Variants in SPEF2 observed in about 807,000 individuals in gnomAD.
The protein encoded by SPEF2 is sperm flagella and cilia-associated protein 2.
A neutral mutation model predicts 224.6 loss-of-function variants in SPEF2; 187 were observed. The observed-to-expected ratio is 0.83, with a 90% confidence interval of 0.74 to 0.94. SPEF2 has a LOEUF of 0.94. Ranked by LOEUF, SPEF2 falls within the 40% of genes least tolerant of loss-of-function variation. The probability of loss-of-function intolerance (pLI) is 0.00; values close to 1 mark genes in which losing one functional copy is unlikely to be tolerated. For synonymous variants in SPEF2, 715 were observed against 707.3 expected, an observed-to-expected ratio of 1.01 and a Z score of -0.17; for missense variants, 2,170 against 2,135.6, an observed-to-expected ratio of 1.02 and a Z score of -0.32.
chr5:35,638,500 C>G (rs983037071), intron 2 of SPEF2, among the ~76,000 whole-genome samples: 1 of 152,100 alleles, frequency 6.6e-6, no homozygotes, highest in Admixed American at 6.6e-5. Context: ...TTCACTTCTA[C>G]CATGAGAAAC....
intron 2 of SPEF2, among the ~76,000 whole-genome samples, chr5:35,637,260 C>A (rs1184961944): frequency 6.6e-6 from 1 of 152,100 alleles, no homozygotes; most frequent in Non-Finnish European, 1.5e-5. Context: ...AAGCCTTTAG[C>A]TAATTTCCAG....
chr5:35,719,289 G>C (rs1489049257), intron 20 of SPEF2, among the ~76,000 whole-genome samples: 2 of 152,122 alleles, frequency 1.3e-5, no homozygotes, highest in Non-Finnish European at 2.9e-5. Context: ...AGAATTTAAC[G>C]ACAAATGTGT....
At chr5:35,668,048 C>T (rs775419281) in intron 9 of SPEF2, among the ~76,000 whole-genome samples, 2 of 152,082 alleles carry the variant, frequency 1.3e-5, no homozygotes, top group African/African-American at 4.8e-5. Context: ...AACCACTATT[C>T]ATTACTGCTG....
intron 9 of SPEF2, among the ~76,000 whole-genome samples, chr5:35,669,124 G>C (rs1352425705): frequency 6.6e-6 from 1 of 151,910 alleles, no homozygotes; most frequent in Non-Finnish European, 1.5e-5. Context: ...TGATGTCTCT[G>C]AATTTGTCTC....
chr5:35,784,075 G>A (rs1754730142), intron 30 of SPEF2, among the ~76,000 whole-genome samples: 1 of 151,548 alleles, frequency 6.6e-6, no homozygotes, highest in African/African-American at 2.4e-5. Context: ...CTGTAACATT[G>A]CTCTAAGAAG....
chr5:35,646,881 G>A, intron 5 of SPEF2, 74 bp downstream of exon 5: 1 of 1,502,868 alleles, frequency 6.7e-7, no homozygotes, highest in Non-Finnish European at 9.0e-7. Flanking sequence ...AACATATAGA[G>A]AGACTTTCCA....
intron 23 of SPEF2, among the ~76,000 whole-genome samples, chr5:35,752,416 G>A (rs572075753): frequency 4.7e-4 from 72 of 152,158 alleles, no homozygotes; most frequent in African/African-American, 1.7e-3. Context: ...AGCCTCCTGA[G>A]TAGCTGGGAC....
chr5:35,797,317 G>GGTGTGTCTGTGT (rs369368858), intron 33 of SPEF2, among the ~76,000 whole-genome samples: 11,230 of 142,026 alleles, frequency 0.079, 581 homozygotes, highest in Non-Finnish European at 0.099. Context: ...ATGGCTGACG[G>GGTGTGTCTGTGT]GTGTGTGTGT....
rs375102895 is a variant in SPEF2, at chr5:35,681,454, A to C, written c.1525-9583A>C. On this transcript the variant is annotated intron_variant, in intron 10 of 36. Transcript: ENST00000356031. ...AGAATTACTCTCCCTATTTGAAGAT[A>C]TCTAAAAAATAAACCCAAGATGGTA... Among the ~76,000 whole-genome samples the C allele has an allele frequency of 3.2e-4, 49 of 152,328 alleles. 2 individuals are homozygous for C. In the South Asian group the frequency reaches 1.0e-2, roughly 31 times the overall value.
intron 1 of SPEF2, among the ~76,000 whole-genome samples, chr5:35,627,249 C>G (rs1353131637): frequency 6.6e-6 from 1 of 151,816 alleles, no homozygotes; most frequent in Non-Finnish European, 1.5e-5. Flanking sequence ...AAGAAAAATA[C>G]AAGTAACTCA....
At chr5:35,728,534 T>C (rs1171000186) in intron 21 of SPEF2, among the ~76,000 whole-genome samples, 1 of 152,192 alleles carries the variant, frequency 6.6e-6, no homozygotes, top group Non-Finnish European at 1.5e-5. Context: ...ATGAACTCAG[T>C]AGCAACCATC....
intron 21 of SPEF2, among the ~76,000 whole-genome samples, chr5:35,728,185 ATGCTTTT>A (rs1745004770): frequency 1.3e-5 from 2 of 152,182 alleles, no homozygotes; most frequent in Admixed American, 6.5e-5. Context: ...CCCCATCACA[ATGCTTTT>A]AAGTGAAGTT....
At chr5:35,787,260 C>CCT (rs1554057391) in intron 30 of SPEF2, among the ~76,000 whole-genome samples, 5 of 141,052 alleles carry the variant, frequency 3.5e-5, no homozygotes, top group African/African-American at 1.0e-4. Flanking sequence ...GCTTCACACC[C>CCT]TTTTTTTTTT....
At chr5:35,714,191 T>TCTC (rs1393897240) in intron 20 of SPEF2, among the ~76,000 whole-genome samples, 1 of 150,746 alleles carries the variant, frequency 6.6e-6, no homozygotes, top group African/African-American at 2.4e-5. Flanking sequence ...CTAAATTGTA[T>TCTC]CTCATGCAAG....
At chr5:35,657,455 G>T (rs866432289) in intron 7 of SPEF2, among the ~76,000 whole-genome samples, 1 of 152,102 alleles carries the variant, frequency 6.6e-6, no homozygotes, top group Non-Finnish European at 1.5e-5. Context: ...TGTTGTTCAA[G>T]ATAGGGGTGG....
intron 1 of SPEF2, among the ~76,000 whole-genome samples, chr5:35,618,842 G>A (rs1743045507): frequency 6.6e-6 from 1 of 151,418 alleles, no homozygotes. Flanking sequence ...AATTCTTCAG[G>A]AGTTCATTTT....
intron 15 of SPEF2, 103 bp downstream of exon 15, chr5:35,697,896 T>C: frequency 1.3e-6 from 1 of 764,554 alleles, no homozygotes; most frequent in South Asian, 2.0e-5. Flanking sequence ...ATCTCATACA[T>C]TTCACTCATC....
At chr5:35,721,965 A>G (rs1201651829) in intron 20 of SPEF2, among the ~76,000 whole-genome samples, 3 of 152,220 alleles carry the variant, frequency 2.0e-5, no homozygotes, top group African/African-American at 7.2e-5. Context: ...GCCCAAGACT[A>G]GCCCCACAAA....
chr5:35,733,912 TAA>T (rs1401918129), intron 21 of SPEF2, among the ~76,000 whole-genome samples: 1 of 152,218 alleles, frequency 6.6e-6, no homozygotes, highest in Non-Finnish European at 1.5e-5. Flanking sequence ...CTTTAAATAG[TAA>T]GAGTAATAGA....
Sources: gnomAD v4.1 joint callset for allele counts (sites outside exome capture counted in the v4.1 genomes callset) on GRCh38, gnomAD v4.1.1 for gene constraint, MANE v1.5 for transcripts, NCBI Gene and HGNC (gene_info 2026-07-23, HGNC 2026-07-21) for gene names.